Variants in PGP observed in about 807,000 individuals in gnomAD.
PGP encodes phosphoglycolate phosphatase, also known as aspartate-based ubiquitous Mg(2+)-dependent phosphatase.
A neutral mutation model predicts 19.3 loss-of-function variants in PGP; 9 were observed. The observed-to-expected ratio is 0.47, with a 90% CI of 0.28 to 0.81. The LOEUF is 0.81. Among genes scored for constraint, PGP ranks in the 40% least tolerant of loss-of-function variants. The pLI is 0.11. For synonymous variants in PGP, 308 were observed against 226.8 expected (o/e 1.36, Z -3.22); for missense variants, 403 against 479.9 (o/e 0.84, Z 1.50).
In PGP at chr16:2,213,422, G is replaced by C. The variant is rs1026697356; in HGVS notation, c.*306C>G. The C allele has an allele frequency of 1.4e-4, 131 of 957,176 alleles. No individual in the cohort carries two copies. The African/African-American group carries it at 2.1e-3, about 15-fold the overall frequency. 59.3% of individuals were successfully genotyped at this position (957,176 alleles called of 1,614,324 possible). On this transcript the variant is annotated 3_prime_UTR_variant, in exon 2 of 2. Coordinates refer to ENST00000333503, the MANE Select transcript of PGP (RefSeq NM_001042371.3). ...CCCCTAGACCCGCCTCAGTCCCATC[G>C]GCAGGCCCTGGTTACCTGAATCCCG...
In PGP at chr16:2,214,109, C is replaced by A. The variant is rs1032356126; in HGVS notation, c.640+29G>T. On this transcript the variant is annotated intron_variant, in intron 1 of 1. Coordinates refer to ENST00000333503, the MANE Select transcript of PGP (RefSeq NM_001042371.3). This position sits in a 1 kb window ranked among gnomAD's most constrained non-coding sequence, Gnocchi z 7.1. Reference sequence around the variant, plus strand: ...CAGGGAGGGGGCCCGCCGCCCGCCCCCCAGCCTCCCGCCCCAGGGCGCACG... The same window carrying A: ...CAGGGAGGGGGCCCGCCGCCCGCCCACCAGCCTCCCGCCCCAGGGCGCACG... The A allele has an allele frequency of 1.9e-6, 3 of 1,542,020 alleles. No homozygotes were observed. Among genetic ancestry groups the A allele is most frequent in the Non-Finnish European group, 2.6e-6 (3 of 1,151,020 alleles).
Position 2,213,937 on chromosome 16 carries a change from C to T in PGP, c.757G>A (p.Glu253Lys). The T allele has an allele frequency of 1.2e-6, 2 of 1,612,892 alleles. No individual in the cohort carries two copies. Among genetic ancestry groups the T allele is most frequent in the Non-Finnish European group, 1.7e-6 (2 of 1,179,434 alleles). The change falls in exon 2 of 2, where the codon GAG (glutamate) becomes AAG (lysine). Residue 253 changes from glutamate to lysine, a missense_variant. By Grantham distance (56) the Glu-to-Lys change is moderately conservative. Coordinates refer to ENST00000333503, the MANE Select transcript of PGP (RefSeq NM_001042371.3). ...CVSQEYGINP[E>K]RTVMVGDRLD... ...CGGTCTCCCACCATGACGGTGCGCT[C>T]GGGGTTGATGCCGTATTCCTGGGAC...
chr16:2,212,622 G>A lies in PGP; in HGVS notation c.*1106C>T. 4 of 985,512 alleles carry A rather than the reference G, an allele frequency of 4.1e-6. No individual in the cohort carries two copies. The highest frequency in any genetic ancestry group is 3.5e-5 in the African/African-American group (2 of 57,370). 61.0% of individuals were successfully genotyped at this position (985,512 alleles called of 1,614,324 possible). A position where few individuals can be genotyped will look rare whatever the true frequency, so the allele number is the denominator to read the frequency against. Reference sequence around the variant, plus strand: ...CCCTACCCCAGCCTAGGGAAGGGGAGGACAGGAAGAGACTGGATGCTTTGT... The same window carrying A: ...CCCTACCCCAGCCTAGGGAAGGGGAAGACAGGAAGAGACTGGATGCTTTGT... On this transcript the variant is annotated 3_prime_UTR_variant, in exon 2 of 2. Coordinates refer to ENST00000333503, the MANE Select transcript of PGP (RefSeq NM_001042371.3).
chr16:2,214,448 G>C lies in PGP; in HGVS notation c.330C>G (p.Arg110=). 7.5e-7 allele frequency: 1 copy of C among 1,338,274 alleles called. No homozygotes were observed. 82.9% of individuals were successfully genotyped at this position (1,338,274 alleles called of 1,614,324 possible). The part of the protein sequence containing the change: ...GTAYCTALYL[R]QRLAGAPAPK... ...GCGCGGGGGCGCCGGCCAGGCGCTG[G>C]CGCAGGTAGAGCGCGGTGCAGTAGG... Residue 110 remains arginine, a synonymous_variant, in exon 1 of 2, where the codon CGC becomes CGG. Transcript: ENST00000333503. This position sits in a 1 kb window ranked among gnomAD's most constrained non-coding sequence, Gnocchi z 7.1.
At position 2,214,357 on chromosome 16, in the gene PGP, C is replaced by G; in HGVS notation, c.421G>C (p.Val141Leu). Residue 141 changes from valine (V) to leucine (L), a missense_variant, in exon 1 of 2, where the codon GTG (valine) becomes CTG (leucine). Val to Leu is a conservative substitution (Grantham distance 32). Transcript: ENST00000333503. This position sits in a 1 kb window ranked among gnomAD's most constrained non-coding sequence, Gnocchi z 7.1. Reference protein sequence around the residue: ...AELEAVGVASVGVGPEPLQGE... With the variant: ...AELEAVGVASLGVGPEPLQGE... ...TGCAGTGGCTCGGGCCCCACGCCCA[C>G]GCTGGCGACGCCCACGGCCTCCAGC... 1 of 1,504,346 alleles carries G rather than the reference C, an allele frequency of 6.6e-7. No individual in the cohort carries two copies. The highest frequency in any genetic ancestry group is 2.6e-5 in the East Asian group (1 of 39,164). The allele number at this position is 1,504,346 out of a possible 1,614,324, so 93.2% of individuals were successfully genotyped here.
Position 2,213,328 on chromosome 16 carries a change from A to C in PGP, c.*400T>G. 3 of 990,092 alleles carry C rather than the reference A, an allele frequency of 3.0e-6. No homozygotes were observed. Among genetic ancestry groups the C allele is most frequent in the Non-Finnish European group, 3.6e-6 (3 of 832,924 alleles). The allele number at this position is 990,092 out of a possible 1,614,324, so 61.3% of individuals were successfully genotyped here. On this transcript the variant is annotated 3_prime_UTR_variant, in exon 2 of 2. Transcript: ENST00000333503. ...GCAAGCCTCTCCCAACAGTCAGAAT[A>C]ATCAGTCCCTCTGCCCCCTGAGGGG...
chr16:2,212,558 G>C lies in PGP; in HGVS notation c.*1170C>G. The C allele has an allele frequency of 1.0e-6, 1 of 985,532 alleles. No individual in the cohort carries two copies. The highest frequency in any genetic ancestry group is 1.1e-4 in the East Asian group (1 of 8,826). The allele number at this position is 985,532 out of a possible 1,614,324, so 61.0% of individuals were successfully genotyped here. ...TGCTGGCCACTGAAGAGGGAATCCA[G>C]GGCAAGGCAGGTGACCTCCTGGGCC... On this transcript the variant is annotated 3_prime_UTR_variant, in exon 2 of 2. Coordinates refer to ENST00000333503, the MANE Select transcript of PGP (RefSeq NM_001042371.3).
In PGP at chr16:2,212,905, AGTT is replaced by A. The variant is rs1596738832; in HGVS notation, c.*820_*822del. On this transcript the variant is annotated 3_prime_UTR_variant, in exon 2 of 2. Transcript: ENST00000333503. ...AAAATTCAAATCCATTGCCTGACAC[AGTT>A]GTTCAAAGTTAAAAACTGGTAGCAG... 1 of 963,238 alleles carries A rather than the reference AGTT, an allele frequency of 1.0e-6. No homozygotes were observed. The highest frequency in any genetic ancestry group is 2.0e-5 in the African/African-American group (1 of 49,384). The allele number at this position is 963,238 out of a possible 1,614,324, so 59.7% of individuals were successfully genotyped here. A position where few individuals can be genotyped will look rare whatever the true frequency, so the allele number is the denominator to read the frequency against.
Position 2,211,787 on chromosome 16 carries a change from G to C in PGP, c.*1941C>G, listed in dbSNP as rs1413814897. 2 of 985,598 alleles carry C rather than the reference G, an allele frequency of 2.0e-6. No individual in the cohort carries two copies. Among genetic ancestry groups the C allele is most frequent in the East Asian group, 1.1e-4 (1 of 8,816 alleles). The allele number at this position is 985,598 out of a possible 1,614,324, so 61.1% of individuals were successfully genotyped here. On this transcript the variant is annotated 3_prime_UTR_variant, in exon 2 of 2. Coordinates refer to ENST00000333503, the MANE Select transcript of PGP (RefSeq NM_001042371.3). Reference sequence around the variant, plus strand: ...ACGGCAGCCCACCAGCTTCACTCCAGGGCCCTTTGCTTCCCTGGCTTCCCT... The same window carrying C: ...ACGGCAGCCCACCAGCTTCACTCCACGGCCCTTTGCTTCCCTGGCTTCCCT...
rs778580259 is a variant in PGP at position 2,214,208 on chromosome 16, C to T, written c.570G>A (p.Gln190=). The T allele has an allele frequency of 1.3e-6, 2 of 1,595,830 alleles. No homozygotes were observed. The highest frequency in any genetic ancestry group is 2.7e-5 in the African/African-American group (2 of 74,836). Residue 190 remains glutamine (Q), a synonymous_variant, in exon 1 of 2, where the codon CAG becomes CAA. Transcript: ENST00000333503. This position sits in a 1 kb window ranked among gnomAD's most constrained non-coding sequence, Gnocchi z 7.1. ...TGGTGCCCACGAGCAGGCAGCCGGG[C>T]TGCTGCAGGTAGCGCAGGGCCTTGG... ...KLTKALRYLQ[Q]PGCLLVGTNM... is the part of the protein sequence containing the mutation.
At position 2,212,195 on chromosome 16, in the gene PGP, A is replaced by G. The variant is rs902794938; in HGVS notation, c.*1533T>C. 21 of 985,760 alleles carry G rather than the reference A, an allele frequency of 2.1e-5. No homozygotes were observed. The highest frequency in any genetic ancestry group is 2.4e-5 in the Non-Finnish European group (20 of 829,988). 61.1% of individuals were successfully genotyped at this position (985,760 alleles called of 1,614,324 possible). ...GAGCCAACTTAGCCAAGCCAGCGTCAGTGTCACCAGCCTCATGGGTGGAGC... is the reference window on the plus strand; with the variant it reads ...GAGCCAACTTAGCCAAGCCAGCGTCGGTGTCACCAGCCTCATGGGTGGAGC... On this transcript the variant is annotated 3_prime_UTR_variant, in exon 2 of 2. Coordinates refer to ENST00000333503, the MANE Select transcript of PGP (RefSeq NM_001042371.3).
rs769324673 is a variant in PGP, at chr16:2,214,023, A to G, written c.671T>C (p.Met224Thr). Reference sequence around the variant, plus strand: ...GATGTCGGCCTGGCGCTGGGCGGCCATCTCCACGGCTCGGACCAGACACCC... The same window carrying G: ...GATGTCGGCCTGGCGCTGGGCGGCCGTCTCCACGGCTCGGACCAGACACCC... ...GTGCLVRAVE[M>T]AAQRQADIIG... The change falls in exon 2 of 2, where the codon ATG becomes ACG. Residue 224 changes from methionine to threonine, a missense_variant. By Grantham distance (81) the Met-to-Thr change is moderately conservative. Coordinates refer to ENST00000333503, the MANE Select transcript of PGP (RefSeq NM_001042371.3). The surrounding 1 kb of genome is among the most constrained non-coding windows in gnomAD (Gnocchi z 7.1). 8.1e-6 allele frequency: 13 copies of G among 1,601,330 alleles called. No homozygotes were observed. Among genetic ancestry groups the G allele is most frequent in the African/African-American group, 8.0e-5 (6 of 74,574 alleles).
Position 2,211,769 on chromosome 16 carries a change from CCCA to C in PGP, c.*1956_*1958del. ...TGCCCTGGGCGCTCTGACACGGCAG[CCCA>C]CCAGCTTCACTCCAGGGCCCTTTGC... On this transcript the variant is annotated 3_prime_UTR_variant, in exon 2 of 2. Transcript: ENST00000333503. 2.0e-6 allele frequency: 2 copies of C among 985,562 alleles called. No individual in the cohort carries two copies. The highest frequency in any genetic ancestry group is 2.4e-6 in the Non-Finnish European group (2 of 830,028). The allele number at this position is 985,562 out of a possible 1,614,324, so 61.1% of individuals were successfully genotyped here.
chr16:2,211,961 C>T lies in PGP; in HGVS notation c.*1767G>A, dbSNP rs201312081. The T allele has an allele frequency of 3.0e-6, 3 of 985,584 alleles. No individual in the cohort carries two copies. The highest frequency in any genetic ancestry group is 3.6e-6 in the Non-Finnish European group (3 of 829,994). The allele number at this position is 985,584 out of a possible 1,614,324, so 61.1% of individuals were successfully genotyped here. On this transcript the variant is annotated 3_prime_UTR_variant, in exon 2 of 2. Transcript: ENST00000333503. Reference sequence around the variant, plus strand: ...CGTGGTGAGACGGCATCACCCGGGCCAATGCAAGGTGAGAGCAAGGACACC... The same window carrying T: ...CGTGGTGAGACGGCATCACCCGGGCTAATGCAAGGTGAGAGCAAGGACACC...
In PGP at chr16:2,214,094, GC is replaced by G; in HGVS notation, c.641-42del. On this transcript the variant is annotated intron_variant, in intron 1 of 1. Coordinates refer to ENST00000333503, the MANE Select transcript of PGP (RefSeq NM_001042371.3). This position sits in a 1 kb window ranked among gnomAD's most constrained non-coding sequence, Gnocchi z 7.1. ...GACCGGGTCAAAGGGCAGGGAGGGG[GC>G]CCGCCGCCCGCCCCCCAGCCTCCCG... 1 of 1,544,862 alleles carries G rather than the reference GC, an allele frequency of 6.5e-7. No homozygotes were observed. The highest frequency in any genetic ancestry group is 8.7e-7 in the Non-Finnish European group (1 of 1,152,948).
At position 2,213,400 on chromosome 16, in the gene PGP, C is replaced by T; in HGVS notation, c.*328G>A. 9.9e-7 allele frequency: 1 copy of T among 1,008,190 alleles called. No homozygotes were observed. The highest frequency in any genetic ancestry group is 1.2e-6 in the Non-Finnish European group (1 of 831,392). The allele number at this position is 1,008,190 out of a possible 1,614,324, so 62.5% of individuals were successfully genotyped here. A position where few individuals can be genotyped will look rare whatever the true frequency, so the allele number is the denominator to read the frequency against. On this transcript the variant is annotated 3_prime_UTR_variant, in exon 2 of 2. Transcript: ENST00000333503. ...TCAATAAAATACAGGACACACACCC[C>T]TAGACCCGCCTCAGTCCCATCGGCA...
chr16:2,214,824 C>A lies in PGP; in HGVS notation c.-47G>T. ...GCCCGCCGGCCGCTCCTCGCAGCCG[C>A]CCGCCGCGGCGCCCTCCCCGCCCCC... On this transcript the variant is annotated 5_prime_UTR_variant, in exon 1 of 2. Coordinates refer to ENST00000333503, the MANE Select transcript of PGP (RefSeq NM_001042371.3). This position sits in a 1 kb window ranked among gnomAD's most constrained non-coding sequence, Gnocchi z 7.1. 1.5e-6 allele frequency: 1 copy of A among 684,624 alleles called. No individual in the cohort carries two copies. The highest frequency in any genetic ancestry group is 1.8e-6 in the Non-Finnish European group (1 of 556,972). 42.4% of individuals were successfully genotyped at this position (684,624 alleles called of 1,614,324 possible).
rs753941989 is a variant in PGP at position 2,214,095 on chromosome 16, C to T, written c.641-42G>A. ...ACCGGGTCAAAGGGCAGGGAGGGGGCCCGCCGCCCGCCCCCCAGCCTCCCG... is the reference window on the plus strand; with the variant it reads ...ACCGGGTCAAAGGGCAGGGAGGGGGTCCGCCGCCCGCCCCCCAGCCTCCCG... On this transcript the variant is annotated intron_variant, in intron 1 of 1. Transcript: ENST00000333503. This position sits in a 1 kb window ranked among gnomAD's most constrained non-coding sequence, Gnocchi z 7.1. 16 of 424,000 alleles carry T rather than the reference C, an allele frequency of 3.8e-5. No individual in the cohort carries two copies. Among genetic ancestry groups the T allele is most frequent in the Non-Finnish European group, 5.8e-5 (13 of 224,084 alleles). 26.3% of individuals were successfully genotyped at this position (424,000 alleles called of 1,614,324 possible). A position where few individuals can be genotyped will look rare whatever the true frequency, so the allele number is the denominator to read the frequency against.
chr16:2,212,830 C>T lies in PGP; in HGVS notation c.*898G>A. ...CTGCCGGCTGCAGGGCACAGAGGCT[C>T]CTTCAGTGGAATTTTGCCTACGACA... On this transcript the variant is annotated 3_prime_UTR_variant, in exon 2 of 2. Coordinates refer to ENST00000333503, the MANE Select transcript of PGP (RefSeq NM_001042371.3). 8.1e-6 allele frequency: 8 copies of T among 985,490 alleles called. No homozygotes were observed. Among genetic ancestry groups the T allele is most frequent in the Non-Finnish European group, 9.6e-6 (8 of 829,942 alleles). The allele number at this position is 985,490 out of a possible 1,614,324, so 61.0% of individuals were successfully genotyped here. A position where few individuals can be genotyped will look rare whatever the true frequency, so the allele number is the denominator to read the frequency against.
Sources: allele counts gnomAD v4.1 joint callset, GRCh38; gene constraint gnomAD v4.1.1; non-coding constraint Gnocchi (gnomAD v3.1); transcripts MANE v1.5; gene names NCBI Gene and HGNC (gene_info 2026-07-23, HGNC 2026-07-21).